The following ERI1 variants were observed in gnomAD, a reference collection of about 807,000 sequenced individuals.
ERI1 encodes the protein 3'-5' exoribonuclease 1.
ERI1 carries 39 observed loss-of-function variants against 39.7 expected under a neutral mutation model. The ratio of observed to expected loss-of-function variants is 0.98; its 90% CI spans 0.76 to 1.28. ERI1 has a LOEUF of 1.28. Ranked by LOEUF, ERI1 falls within the 50% of genes most tolerant of loss-of-function variation. The pLI, the probability that ERI1 is intolerant of heterozygous loss-of-function variation, is 0.00. For missense variants in ERI1, 581 were observed against 416.9 expected (o/e 1.39, Z -3.43); for synonymous variants, 204 against 149.6 (o/e 1.36, Z -2.65).
At chr8:9,048,638 T>C (rs76884920) in intron 3 of ERI1, 5,608 of 152,382 alleles carry the variant, frequency 0.037, 279 homozygotes, top group African/African-American at 0.11. Flanking sequence ...TCAAAGCCCA[T>C]TGTCATAATT....
intron 3 of ERI1, among the ~76,000 whole-genome samples, chr8:9,066,320 G>GGGTTGGTGGTC (rs1448078873): frequency 1.5e-4 from 23 of 152,332 alleles, no homozygotes; most frequent in African/African-American, 5.3e-4. Flanking sequence ...GGTCATCTCA[G>GGGTTGGTGGTC]AGTTGGTGTC....
chr8:9,059,003 C>T (rs913211910), intron 3 of ERI1, among the ~76,000 whole-genome samples: 15 of 151,788 alleles, frequency 9.9e-5, no homozygotes, highest in Admixed American at 7.2e-4. Flanking sequence ...GGGCTGAGTC[C>T]AAAAAGAGTC....
intron 3 of ERI1, among the ~76,000 whole-genome samples, chr8:9,039,227 A>G (rs1018544156): frequency 2.6e-5 from 4 of 152,302 alleles, no homozygotes; most frequent in Non-Finnish European, 5.9e-5. Context: ...TACTTTCAAA[A>G]CACCTTTTAG....
chr8:9,012,185 G>A (rs979573745), intron 3 of ERI1, among the ~76,000 whole-genome samples: 5 of 152,208 alleles, frequency 3.3e-5, no homozygotes, highest in African/African-American at 9.6e-5. Context: ...CTGTGGCCTA[G>A]TGTGAACTCT....
At chr8:9,056,305 T>C (rs1012387054) in intron 3 of ERI1, among the ~76,000 whole-genome samples, 6 of 152,190 alleles carry the variant, frequency 3.9e-5, no homozygotes, top group Admixed American at 3.3e-4. Flanking sequence ...CCTACCTCTG[T>C]TGTGATTTGA....
intron 3 of ERI1, among the ~76,000 whole-genome samples, chr8:9,064,523 A>G (rs567003367): frequency 2.1e-4 from 32 of 152,326 alleles, no homozygotes; most frequent in Non-Finnish European, 1.5e-5. Context: ...TCTCTACCAG[A>G]AAATGAAAGG....
chr8:9,021,764 TGTTTTTTTTG>T (rs1817921396), intron 6 of ERI1, among the ~76,000 whole-genome samples: 1 of 82,614 alleles, frequency 1.2e-5, no homozygotes, highest in Non-Finnish European at 3.2e-5. Context: ...CTATATTATT[TGTTTTTTTTG>T]TTTTTTTTTT....
intron 3 of ERI1, among the ~76,000 whole-genome samples, chr8:9,081,589 C>G (rs1458846158): frequency 6.6e-6 from 1 of 152,202 alleles, no homozygotes; most frequent in African/African-American, 2.4e-5. Context: ...TCTTCACTCT[C>G]TTTCTTTCTA....
At position 9,030,674 on chromosome 8, in the gene ERI1, A is replaced by C. The variant is rs1797525604; in HGVS notation, c.*640A>C. The C allele has an allele frequency of 6.6e-6, 1 of 152,436 alleles. No individual in the cohort carries two copies. Among genetic ancestry groups the C allele is most frequent in the Non-Finnish European group, 1.5e-5 (1 of 68,172 alleles). 9.4% of individuals were successfully genotyped at this position (152,436 alleles called of 1,614,324 possible). A position where few individuals can be genotyped will look rare whatever the true frequency, so the allele number is the denominator to read the frequency against. ...AATTAATGAAAACGTAGAAGAAAGT[A>C]CTAAAAGGAATATCATAAGGGCTGT... On this transcript the variant is annotated 3_prime_UTR_variant, in exon 7 of 7. Transcript: ENST00000250263.
intron 3 of ERI1, among the ~76,000 whole-genome samples, chr8:9,046,309 C>T (rs1798173315): frequency 1.3e-5 from 2 of 152,178 alleles, no homozygotes; most frequent in Admixed American, 6.5e-5. Context: ...TTTCTCCTTG[C>T]AGCCTGGCAG....
intron 3 of ERI1, among the ~76,000 whole-genome samples, chr8:9,012,710 T>C (rs1269706740): frequency 6.6e-6 from 1 of 152,204 alleles, no homozygotes; most frequent in Non-Finnish European, 1.5e-5. Context: ...TTGGACATTA[T>C]GATTTATTGC....
chr8:9,035,929 C>T (rs1797830106), downstream of ERI1, among the ~76,000 whole-genome samples: 1 of 152,144 alleles, frequency 6.6e-6, no homozygotes, highest in South Asian at 2.1e-4. Context: ...TTTCAGTCCT[C>T]ATGGATGACT....
intron 3 of ERI1, among the ~76,000 whole-genome samples, chr8:9,079,996 A>G (rs1166691577): frequency 6.6e-6 from 1 of 151,904 alleles, no homozygotes; most frequent in Non-Finnish European, 1.5e-5. Context: ...AAAGACAAAA[A>G]AAAAAAAAAA....
intron 6 of ERI1, among the ~76,000 whole-genome samples, chr8:9,028,673 G>T (rs13272451): frequency 0.39 from 59,373 of 152,020 alleles, 13,628 homozygotes; most frequent in East Asian, 0.68. Context: ...GCCCAGGCTG[G>T]AGTGCAGTGG....
chr8:9,078,571 A>G (rs1799276393), intron 3 of ERI1, among the ~76,000 whole-genome samples: 1 of 152,056 alleles, frequency 6.6e-6, no homozygotes, highest in South Asian at 2.1e-4. Flanking sequence ...TATGACAGAG[A>G]TTTTCAAATT....
chr8:9,020,220 A>G (rs1453054150), intron 5 of ERI1, 130 bp from the exon 6 acceptor site: 1 of 503,082 alleles, frequency 2.0e-6, no homozygotes, highest in Non-Finnish European at 3.5e-6. Context: ...AGCAAGGTTA[A>G]TTTTCTCAGC....
At chr8:9,016,770 C>A (rs1817338324) in intron 4 of ERI1, among the ~76,000 whole-genome samples, 1 of 152,206 alleles carries the variant, frequency 6.6e-6, no homozygotes, top group African/African-American at 2.4e-5. Flanking sequence ...ACTGCAGCCT[C>A]TGCCTCCTGG....
downstream of ERI1, among the ~76,000 whole-genome samples, chr8:9,034,027 C>T (rs76246029): frequency 4.7e-3 from 714 of 152,256 alleles, 10 homozygotes; most frequent in African/African-American, 0.016. Flanking sequence ...AGAAGGAGAA[C>T]GATTTTTGCT....
At chr8:9,066,321 A>ATCTCAGG (rs1175711900) in intron 3 of ERI1, among the ~76,000 whole-genome samples, 23 of 152,272 alleles carry the variant, frequency 1.5e-4, no homozygotes, top group African/African-American at 5.3e-4. Context: ...GTCATCTCAG[A>ATCTCAGG]GTTGGTGTCC....
Sources: allele counts gnomAD v4.1 joint callset (sites outside exome capture counted in the v4.1 genomes callset), GRCh38; gene constraint gnomAD v4.1.1; transcripts MANE v1.5; gene names NCBI Gene and HGNC (gene_info 2026-07-23, HGNC 2026-07-21).